Variants in LYST observed in about 807,000 individuals in gnomAD.
LYST encodes lysosomal-trafficking regulator.
LYST carries 192 observed loss-of-function variants against 413.6 expected under a neutral mutation model. That is an observed-to-expected ratio of 0.46 (90% CI 0.41 to 0.52). LYST has a LOEUF of 0.52. LYST is among the 20% of genes least tolerant of loss of function. The pLI, the probability that LYST is intolerant of heterozygous loss-of-function variation, is 0.00. For missense variants in LYST, 3,815 were observed against 4,499.9 expected (o/e 0.85, Z 4.35); for synonymous variants, 1,525 against 1,567.3 (o/e 0.97, Z 0.64).
chr1:235,859,381 T>C (rs767244777), intron 1 of LYST, among the ~76,000 whole-genome samples: 8 of 152,150 alleles, frequency 5.3e-5, no homozygotes, highest in Non-Finnish European at 1.2e-4. Context: ...TGATCACATC[T>C]ACTTCCTCAA....
chr1:235,738,897 C>T (rs1399656340), intron 31 of LYST: 2 of 737,310 alleles, frequency 2.7e-6, no homozygotes, highest in Admixed American at 1.8e-5. Context: ...AATCTCAGAC[C>T]GTGTGAAGGT....
At chr1:235,856,918 A>T (rs1679252087) in intron 1 of LYST, among the ~76,000 whole-genome samples, 1 of 151,256 alleles carries the variant, frequency 6.6e-6, no homozygotes, top group African/African-American at 2.4e-5. Flanking sequence ...AGCAGCTCTT[A>T]CAAGTTACAC....
At position 235,787,074 on chromosome 1, in the gene LYST, A is replaced by G. The variant is rs1451385790; in HGVS notation, c.4862+126T>C. ...ATAATAAAAAAAGAAACAACAAAAAATATAGTAAATTTTATTATAGTAAAA... is the reference window on the plus strand; with the variant it reads ...ATAATAAAAAAAGAAACAACAAAAAGTATAGTAAATTTTATTATAGTAAAA... On this transcript the variant is annotated intron_variant, in intron 14 of 52. Coordinates refer to ENST00000389793, the MANE Select transcript of LYST (RefSeq NM_000081.4). 5 of 711,016 alleles carry G rather than the reference A, an allele frequency of 7.0e-6. No homozygotes were observed. In the Admixed American group the frequency reaches 8.2e-5, roughly 12 times the overall value. The allele number at this position is 711,016 out of a possible 1,614,324, so 44.0% of individuals were successfully genotyped here.
intron 3 of LYST, among the ~76,000 whole-genome samples, chr1:235,823,111 A>G (rs1674942341): frequency 6.6e-6 from 1 of 152,164 alleles, no homozygotes; most frequent in Non-Finnish European, 1.5e-5. Flanking sequence ...CACCACAATC[A>G]ACTGATATAT....
intron 50 of LYST, among the ~76,000 whole-genome samples, chr1:235,671,311 A>G (rs59561969): frequency 0.08 from 12,221 of 152,272 alleles, 1,587 homozygotes; most frequent in African/African-American, 0.27. Flanking sequence ...AAATATATCA[A>G]CTGCTATAAA....
chr1:235,867,135 C>G (rs1184939162), upstream of LYST, among the ~76,000 whole-genome samples: 1 of 152,206 alleles, frequency 6.6e-6, no homozygotes, highest in Non-Finnish European at 1.5e-5. Context: ...GGGGGGCGGG[C>G]CGACCCGCGG....
In LYST at chr1:235,663,077, G is replaced by A. The variant is rs746510919; in HGVS notation, c.11269C>T (p.Leu3757Phe). 2 of 1,563,208 alleles carry A rather than the reference G, an allele frequency of 1.3e-6. No homozygotes were observed. Among genetic ancestry groups the A allele is most frequent in the East Asian group, 2.2e-5 (1 of 44,836 alleles). ...FPKSNKPIIS[L>F]TFSCDGHHLY... ...TGGTGGCCATCACAAGAAAATGTAA[G>A]GCTGTAAAAAAAAAAAAATTCCCAT... Residue 3757 changes from leucine (L) to phenylalanine (F), a missense_variant and splice_region_variant, in exon 53 of 53, where the codon CTT becomes TTT. Leu to Phe is a conservative substitution (Grantham distance 22, BLOSUM62 0). Transcript: ENST00000389793.
At chr1:235,829,954 T>C (rs184003487) in intron 3 of LYST, 35 of 304,282 alleles carry the variant, frequency 1.2e-4, no homozygotes, top group East Asian at 6.9e-4. Context: ...CTAAGAACCA[T>C]AGTTATCTCA....
At chr1:235,849,040 A>G (rs926316995) in intron 1 of LYST, among the ~76,000 whole-genome samples, 4 of 152,156 alleles carry the variant, frequency 2.6e-5, no homozygotes, top group Non-Finnish European at 4.4e-5. Flanking sequence ...CACTAATATC[A>G]AAACCAGGAA....
intron 49 of LYST, 120 bp from the exon 50 acceptor site, chr1:235,677,308 T>C (rs1238434380): frequency 1.3e-5 from 14 of 1,057,200 alleles, no homozygotes. Context: ...TGTTTTCCTA[T>C]CTGATTGTAT....
intron 50 of LYST, among the ~76,000 whole-genome samples, chr1:235,668,393 T>C (rs762791802): frequency 7.9e-5 from 12 of 152,174 alleles, no homozygotes; most frequent in Non-Finnish European, 1.5e-4. Context: ...AAAATTATGT[T>C]CCCTATATAC....
At chr1:235,876,000 A>G (rs1681115906) in intron 1 of LYST, among the ~76,000 whole-genome samples, 1 of 152,014 alleles carries the variant, frequency 6.6e-6, no homozygotes, top group African/African-American at 2.4e-5. Context: ...CAGGTGGTTC[A>G]CTAGAACCAC....
intron 36 of LYST, among the ~76,000 whole-genome samples, chr1:235,730,113 A>T (rs1664232776): frequency 6.6e-6 from 1 of 152,036 alleles, no homozygotes; most frequent in African/African-American, 2.4e-5. Context: ...AAAAAAGCCT[A>T]GTATTCTAGG....
chr1:235,784,789 C>G (rs1477281834), intron 14 of LYST, among the ~76,000 whole-genome samples: 1 of 152,100 alleles, frequency 6.6e-6, no homozygotes, highest in Non-Finnish European at 1.5e-5. Flanking sequence ...CAACTCCAGC[C>G]CCAGCTCCAT....
At chr1:235,795,599 C>G (rs1671475350) in intron 10 of LYST, among the ~76,000 whole-genome samples, 2 of 152,174 alleles carry the variant, frequency 1.3e-5, no homozygotes, top group South Asian at 4.1e-4. Flanking sequence ...CAAAGCAAAG[C>G]TCTCTTCATT....
chr1:235,793,297 T>C (rs1671208855), intron 11 of LYST, among the ~76,000 whole-genome samples: 2 of 152,218 alleles, frequency 1.3e-5, no homozygotes, highest in African/African-American at 4.8e-5. Context: ...GCGATATGTC[T>C]GGTTAATCCA....
At chr1:235,774,658 C>T (rs974917152) in intron 18 of LYST, among the ~76,000 whole-genome samples, 1 of 152,032 alleles carries the variant, frequency 6.6e-6, no homozygotes, top group Non-Finnish European at 1.5e-5. Context: ...ATATCTATGG[C>T]CCACCCAGGT....
intron 47 of LYST, among the ~76,000 whole-genome samples, chr1:235,687,720 C>A (rs1660327373): frequency 6.6e-6 from 1 of 152,078 alleles, no homozygotes; most frequent in African/African-American, 2.4e-5. Context: ...GTCCCACCTC[C>A]CCCACACTCA....
chr1:235,751,608 T>C (rs1164622722), intron 27 of LYST, among the ~76,000 whole-genome samples: 8 of 152,314 alleles, frequency 5.3e-5, no homozygotes, highest in South Asian at 2.1e-4. Context: ...ATTTTAAAAA[T>C]TGTTTCAAAG....
Sources: gnomAD v4.1 joint callset for allele counts (sites outside exome capture counted in the v4.1 genomes callset) on GRCh38, gnomAD v4.1.1 for gene constraint, MANE v1.5 for transcripts, NCBI Gene and HGNC (gene_info 2026-07-23, HGNC 2026-07-21) for gene names.